The following MARCHF3 variants were observed in gnomAD, a reference collection of about 807,000 sequenced individuals.
The protein encoded by MARCHF3 is E3 ubiquitin-protein ligase MARCHF3.
MARCHF3 carries 13 observed loss-of-function variants against 24.2 expected under a neutral mutation model. The observed-to-expected ratio is 0.54, with a 90% CI of 0.35 to 0.85. MARCHF3 has a LOEUF of 0.85. MARCHF3 is among the 40% of genes least tolerant of loss of function. MARCHF3 has a pLI of 0.01. For missense variants in MARCHF3, 276 were observed against 325.0 expected (o/e 0.85, Z 1.16); for synonymous variants, 144 against 137.3 (o/e 1.05, Z -0.34).
chr5:126,970,001 A>T (rs773185721), intron 1 of MARCHF3, among the ~76,000 whole-genome samples: 4 of 152,228 alleles, frequency 2.6e-5, no homozygotes, highest in Non-Finnish European at 5.9e-5. Flanking sequence ...GGCTGTAAGT[A>T]TCCCAATTTC....
Position 126,914,960 on chromosome 5 carries a change from T to C in MARCHF3, c.363A>G (p.Ala121=). 2 of 1,614,242 alleles carry C rather than the reference T, an allele frequency of 1.2e-6. No homozygotes were observed. The highest frequency in any genetic ancestry group is 1.7e-6 in the Non-Finnish European group (2 of 1,180,042). ...SYCELCHFRF[A]VERKPRPLVE... Reference sequence around the variant, plus strand: ...CTAACGGCCTGGGTTTGCGCTCGACTGCAAACCTGAAGTGGCAGAGTTCAC... The same window carrying C: ...CTAACGGCCTGGGTTTGCGCTCGACCGCAAACCTGAAGTGGCAGAGTTCAC... Residue 121 remains alanine (A), a synonymous_variant, in exon 3 of 5, where the codon GCA becomes GCG. Transcript: ENST00000308660.
chr5:126,882,412 G>A (rs990860523), intron 3 of MARCHF3, among the ~76,000 whole-genome samples: 3 of 152,140 alleles, frequency 2.0e-5, no homozygotes, highest in Non-Finnish European at 2.9e-5. Context: ...GCCAAACCAC[G>A]ATGAGGTCTA....
chr5:126,930,543 T>C (rs1173703438), intron 1 of MARCHF3, among the ~76,000 whole-genome samples: 1 of 152,230 alleles, frequency 6.6e-6, no homozygotes, highest in African/African-American at 2.4e-5. Flanking sequence ...ATCATGCCTG[T>C]ATAGCTCAGG....
At chr5:126,951,998 C>G (rs559076784) in intron 1 of MARCHF3, among the ~76,000 whole-genome samples, 2 of 152,276 alleles carry the variant, frequency 1.3e-5, no homozygotes, top group South Asian at 2.1e-4. Context: ...AGGCGCCCAC[C>G]ACCACGCCCA....
At chr5:126,914,029 G>C (rs906261552) in intron 3 of MARCHF3, among the ~76,000 whole-genome samples, 5 of 145,034 alleles carry the variant, frequency 3.4e-5, no homozygotes, top group Admixed American at 7.0e-5. Flanking sequence ...TGTCACCCAG[G>C]CTGGAGTGCA....
rs1197533242 is a variant in MARCHF3 at position 126,869,557 on chromosome 5, A to ATC, written c.*1075_*1076insGA. The ATC allele has an allele frequency of 6.8e-6, 1 of 146,520 alleles. No individual in the cohort carries two copies. The highest frequency in any genetic ancestry group is 1.5e-5 in the Non-Finnish European group (1 of 67,458). 9.1% of individuals were successfully genotyped at this position (146,520 alleles called of 1,614,324 possible). On this transcript the variant is annotated 3_prime_UTR_variant, in exon 5 of 5. Transcript: ENST00000308660. ...AAGAATCAGACAAAGGGGTCTTAGAATAAGTGCAGGGCTGCTAGGACAGGC... is the reference window on the plus strand; with the variant it reads ...AAGAATCAGACAAAGGGGTCTTAGAATCTAAGTGCAGGGCTGCTAGGACAGGC...
intron 1 of MARCHF3, among the ~76,000 whole-genome samples, chr5:127,026,641 C>G (rs1466241930): frequency 3.9e-5 from 6 of 152,168 alleles, no homozygotes; most frequent in African/African-American, 1.4e-4. Flanking sequence ...AATCCTAAAT[C>G]AAAACAATTT....
chr5:126,979,673 G>A (rs1257564122), intron 1 of MARCHF3, among the ~76,000 whole-genome samples: 3 of 152,118 alleles, frequency 2.0e-5, no homozygotes, highest in Non-Finnish European at 4.4e-5. Context: ...GTGAGGCCAG[G>A]CGCAGTGGCT....
intron 1 of MARCHF3, among the ~76,000 whole-genome samples, chr5:127,000,168 C>CCCCT (rs1461278213): frequency 7.9e-5 from 12 of 151,788 alleles, no homozygotes; most frequent in Non-Finnish European, 1.6e-4. Context: ...TATCTCTAGC[C>CCCCT]CCCTCCCTTT....
chr5:127,002,043 T>C (rs1752146683), intron 1 of MARCHF3, among the ~76,000 whole-genome samples: 1 of 152,132 alleles, frequency 6.6e-6, no homozygotes, highest in Admixed American at 6.5e-5. Flanking sequence ...GGATATGGAA[T>C]GAGAAACAGA....
intron 3 of MARCHF3, among the ~76,000 whole-genome samples, chr5:126,904,231 G>T (rs1270405113): frequency 2.0e-5 from 3 of 148,678 alleles, no homozygotes; most frequent in Non-Finnish European, 4.5e-5. Flanking sequence ...CATTTGGGTT[G>T]GTTCCAAGTC....
chr5:127,029,639 C>A lies in MARCHF3; in HGVS notation c.-57+711G>T, dbSNP rs977862444. Among the ~76,000 whole-genome samples, 3 of 152,316 alleles carry A rather than the reference C, an allele frequency of 2.0e-5. No homozygotes were observed. The South Asian group carries it at 6.2e-4, about 32-fold the overall frequency. The stretch of plus-strand genomic sequence containing the variant: ...CTCAAACAAACACCAACCGACCAGG[C>A]TGGCAATCCCTTTCGCAGCCTCTAG... On this transcript the variant is annotated intron_variant, in intron 1 of 4. Transcript: ENST00000308660.
chr5:126,993,578 G>A (rs190556775), intron 1 of MARCHF3, among the ~76,000 whole-genome samples: 1 of 152,282 alleles, frequency 6.6e-6, no homozygotes, highest in African/African-American at 2.4e-5. Context: ...ATGTGGCTCA[G>A]TAGATTTTCT....
At chr5:126,873,633 C>T (rs909447527) in intron 4 of MARCHF3, among the ~76,000 whole-genome samples, 5 of 152,214 alleles carry the variant, frequency 3.3e-5, no homozygotes, top group African/African-American at 9.7e-5. Flanking sequence ...CTTCAAGGAA[C>T]ACAGGGAGTC....
At chr5:127,019,257 T>C (rs1415397001) in intron 1 of MARCHF3, among the ~76,000 whole-genome samples, 18 of 152,168 alleles carry the variant, frequency 1.2e-4, no homozygotes, top group Admixed American at 1.2e-3. Flanking sequence ...CAGATAGTAA[T>C]GAGGAGAATT....
intron 1 of MARCHF3, among the ~76,000 whole-genome samples, chr5:127,005,616 A>C (rs1043126262): frequency 3.9e-5 from 6 of 152,118 alleles, no homozygotes; most frequent in Non-Finnish European, 7.3e-5. Flanking sequence ...GAATGTGTGC[A>C]TCATTTTTTC....
intron 1 of MARCHF3, among the ~76,000 whole-genome samples, chr5:126,918,557 G>A (rs556615579): frequency 7.5e-4 from 115 of 152,326 alleles, no homozygotes; most frequent in African/African-American, 1.9e-3. Context: ...CTCTGTGCTA[G>A]AGAAGCAATA....
chr5:126,961,250 T>A (rs1373592513), intron 1 of MARCHF3, among the ~76,000 whole-genome samples: 1 of 152,144 alleles, frequency 6.6e-6, no homozygotes, highest in African/African-American at 2.4e-5. Flanking sequence ...ACAAAAGATA[T>A]TTTGTTGAAA....
At chr5:126,979,829 T>C (rs1238849186) in intron 1 of MARCHF3, among the ~76,000 whole-genome samples, 1 of 150,616 alleles carries the variant, frequency 6.6e-6, no homozygotes, top group African/African-American at 2.5e-5. Flanking sequence ...ATGCCTGTAA[T>C]CCCAGCTACT....
Sources: allele counts gnomAD v4.1 joint callset (sites outside exome capture counted in the v4.1 genomes callset), GRCh38; gene constraint gnomAD v4.1.1; transcripts MANE v1.5; gene names NCBI Gene and HGNC (gene_info 2026-07-23, HGNC 2026-07-21).